Variants in SOX5 observed in about 807,000 individuals in gnomAD.
SOX5 encodes the protein transcription factor SOX-5.
A neutral mutation model predicts 92.0 loss-of-function variants in SOX5; 9 were observed. That is an observed-to-expected ratio of 0.10 (90% confidence interval 0.06 to 0.17). The LOEUF (loss-of-function observed/expected upper bound fraction) is 0.17, where lower values mean the gene tolerates loss of function less well. SOX5 is among the 10% of genes least tolerant of loss of function. The pLI is 1.00. For missense variants in SOX5, 642 were observed against 944.5 expected (o/e 0.68, Z 4.20); for synonymous variants, 344 against 336.3 (o/e 1.02, Z -0.25).
intron 3 of SOX5, among the ~76,000 whole-genome samples, chr12:24,254,868 A>G (rs1522230): frequency 0.95 from 144,589 of 152,044 alleles, 69,143 homozygotes; most frequent in East Asian, 1. Flanking sequence ...GATTACTGTC[A>G]GCTTCTAGTG....
intron 6 of SOX5, among the ~76,000 whole-genome samples, chr12:23,733,844 G>A (rs1009036732): frequency 2.6e-5 from 4 of 152,158 alleles, no homozygotes; most frequent in African/African-American, 9.6e-5. Context: ...GCCTCCAGAT[G>A]GATGATGTCA....
At chr12:23,900,644 C>A (rs1005772995) in intron 1 of SOX5, among the ~76,000 whole-genome samples, 4 of 152,266 alleles carry the variant, frequency 2.6e-5, no homozygotes, top group East Asian at 3.9e-4. Context: ...TTTTAATACA[C>A]AGTCAATGTT....
intron 3 of SOX5, among the ~76,000 whole-genome samples, chr12:23,782,920 T>C (rs1267895225): frequency 1.3e-5 from 2 of 152,072 alleles, no homozygotes; most frequent in Non-Finnish European, 2.9e-5. Flanking sequence ...GGTTATAAGC[T>C]CTCTGATCAT....
rs552957364 is a variant in SOX5, at chr12:24,065,389, C to A, written c.-2+147954G>T. Reference sequence around the variant, plus strand: ...TAGGGCCGGGTGTGGTGGCTCATGCCATTAATCCCAGCACTTTGGGAGGCC... The same window carrying A: ...TAGGGCCGGGTGTGGTGGCTCATGCAATTAATCCCAGCACTTTGGGAGGCC... On this transcript the variant is annotated intron_variant, in intron 4 of 4. Transcript: ENST00000446891. 1.2e-4 allele frequency among the ~76,000 whole-genome samples: 18 copies of A among 152,190 alleles called. No individual in the cohort carries two copies. In the South Asian group the frequency reaches 3.7e-3, roughly 32 times the overall value.
At chr12:24,118,712 T>C (rs1284741060) in intron 4 of SOX5, among the ~76,000 whole-genome samples, 3 of 152,156 alleles carry the variant, frequency 2.0e-5, no homozygotes, top group Non-Finnish European at 4.4e-5. Context: ...TAAAATAGAA[T>C]TTAATTGACC....
intron 3 of SOX5, among the ~76,000 whole-genome samples, chr12:24,243,902 C>A (rs192842472): frequency 6.6e-6 from 1 of 152,216 alleles, no homozygotes; most frequent in East Asian, 1.9e-4. Context: ...AGCAATGATT[C>A]TTCCCGGACA....
intron 2 of SOX5, among the ~76,000 whole-genome samples, chr12:23,872,691 A>G (rs1228264426): frequency 1.3e-5 from 2 of 152,220 alleles, no homozygotes; most frequent in Non-Finnish European, 2.9e-5. Flanking sequence ...ATTTAGCCAG[A>G]CCATTTGGTA....
In SOX5 at chr12:24,448,072, CTTGGGAGGCTA is replaced by C. The variant is rs1941749481; in HGVS notation, c.-250-79444_-250-79434del. Reference sequence around the variant, plus strand: ...TGGCATGTGCCTGTAGTCCCAGCTACTTGGGAGGCTAAGACAGGAGAATTGCTTGAACCCGA... The same window carrying C: ...TGGCATGTGCCTGTAGTCCCAGCTACAGACAGGAGAATTGCTTGAACCCGA... On this transcript the variant is annotated intron_variant, in intron 1 of 4. Coordinates refer to the SOX5 transcript ENST00000446891. 2.0e-5 allele frequency among the ~76,000 whole-genome samples: 3 copies of C among 152,132 alleles called. No homozygotes were observed. In the South Asian group the frequency reaches 6.2e-4, roughly 32 times the overall value.
intron 4 of SOX5, among the ~76,000 whole-genome samples, chr12:24,204,061 TC>T (rs1324665852): frequency 6.6e-6 from 1 of 152,094 alleles, no homozygotes; most frequent in Non-Finnish European, 1.5e-5. Flanking sequence ...ATTCTCTCTA[TC>T]CCCTTCCCCT....
chr12:23,987,301 G>GCCAT (rs1246732769), intron 4 of SOX5, among the ~76,000 whole-genome samples: 4 of 152,200 alleles, frequency 2.6e-5, no homozygotes, highest in Admixed American at 2.6e-4. Flanking sequence ...TGGCATTTAG[G>GCCAT]CTGGGATCTG....
intron 3 of SOX5, among the ~76,000 whole-genome samples, chr12:24,264,068 T>C (rs558760967): frequency 5.4e-4 from 82 of 152,294 alleles, no homozygotes; most frequent in African/African-American, 2.0e-3. Flanking sequence ...CTGACATGAC[T>C]TTTTTCTTTT....
intron 3 of SOX5, among the ~76,000 whole-genome samples, chr12:23,836,205 G>C (rs1001364816): frequency 1.3e-5 from 2 of 151,758 alleles, no homozygotes; most frequent in Non-Finnish European, 2.9e-5. Flanking sequence ...TAACTGTTAG[G>C]TTTAATTGCT....
intron 4 of SOX5, among the ~76,000 whole-genome samples, chr12:23,961,232 TTTAA>T (rs1247848068): frequency 6.6e-6 from 1 of 152,224 alleles, no homozygotes; most frequent in Non-Finnish European, 1.5e-5. Context: ...GAAATAAATG[TTTAA>T]TTGAGATTCA....
At chr12:24,003,102 C>A (rs1401600788) in intron 4 of SOX5, among the ~76,000 whole-genome samples, 2 of 151,936 alleles carry the variant, frequency 1.3e-5, no homozygotes, top group Non-Finnish European at 2.9e-5. Flanking sequence ...TGACTAAACC[C>A]AACACCTATT....
intron 3 of SOX5, chr12:24,227,668 A>G (rs1250761507): frequency 2.0e-5 from 3 of 152,166 alleles, no homozygotes; most frequent in Non-Finnish European, 2.9e-5. Context: ...ATCATTGCTA[A>G]TATCAGCATT....
At chr12:23,680,388 C>T (rs932136440) in intron 6 of SOX5, among the ~76,000 whole-genome samples, 1 of 126,420 alleles carries the variant, frequency 7.9e-6, no homozygotes, top group African/African-American at 3.0e-5. Flanking sequence ...ATCAAATAGA[C>T]AGCAAGTTAG....
intron 2 of SOX5, among the ~76,000 whole-genome samples, chr12:23,872,059 G>A (rs905085852): frequency 2.7e-5 from 4 of 147,890 alleles, no homozygotes; most frequent in African/African-American, 1.0e-4. Context: ...GTGCAGTGGC[G>A]CCATCTCAGC....
chr12:24,119,810 C>A (rs746248557), intron 4 of SOX5, among the ~76,000 whole-genome samples: 1 of 152,100 alleles, frequency 6.6e-6, no homozygotes, highest in East Asian at 1.9e-4. Context: ...ATTACCAGCA[C>A]CCCAAAAGCC....
chr12:23,685,949 G>A (rs959381508), intron 6 of SOX5, among the ~76,000 whole-genome samples: 6 of 152,104 alleles, frequency 3.9e-5, no homozygotes, highest in Admixed American at 2.0e-4. Context: ...CCAACTTAGA[G>A]TCTTCATGTC....
Sources: gnomAD v4.1 joint callset for allele counts (sites outside exome capture counted in the v4.1 genomes callset) on GRCh38, gnomAD v4.1.1 for gene constraint, MANE v1.5 for transcripts, NCBI Gene and HGNC (gene_info 2026-07-23, HGNC 2026-07-21) for gene names.